The following PTPRD variants were observed in gnomAD, a reference collection of about 807,000 sequenced individuals.
The protein encoded by PTPRD is receptor-type tyrosine-protein phosphatase delta.
PTPRD carries 34 observed loss-of-function variants against 214.5 expected under a neutral mutation model. The ratio of observed to expected loss-of-function variants is 0.16; its 90% CI spans 0.12 to 0.21. The LOEUF (loss-of-function observed/expected upper bound fraction) is 0.21. Among genes scored for constraint, PTPRD ranks in the 10% least tolerant of loss-of-function variants. PTPRD has a pLI of 1.00. For missense variants in PTPRD, 2,545 were observed against 2,398.7 expected (o/e 1.06, Z -1.27); for synonymous variants, 1,128 against 845.7 (o/e 1.33, Z -5.79).
At chr9:8,722,360 A>T (rs1397660250) in intron 12 of PTPRD, among the ~76,000 whole-genome samples, 2 of 152,154 alleles carry the variant, frequency 1.3e-5, no homozygotes, top group Admixed American at 1.3e-4. Flanking sequence ...TATTTAAGGC[A>T]AATCTGGTTA....
intron 31 of PTPRD, among the ~76,000 whole-genome samples, chr9:8,468,586 T>A (rs1488456930): frequency 6.6e-6 from 1 of 151,912 alleles, no homozygotes; most frequent in Non-Finnish European, 1.5e-5. Context: ...AAAGCCTCTT[T>A]CAATTTCTTA....
At chr9:9,175,036 A>G (rs1362551327) in intron 10 of PTPRD, among the ~76,000 whole-genome samples, 1 of 152,092 alleles carries the variant, frequency 6.6e-6, no homozygotes, top group Non-Finnish European at 1.5e-5. Flanking sequence ...TGACATAGCC[A>G]GAAGACCCCA....
intron 4 of PTPRD, among the ~76,000 whole-genome samples, chr9:10,029,243 C>T (rs1292082667): frequency 6.6e-6 from 1 of 152,192 alleles, no homozygotes; most frequent in African/African-American, 2.4e-5. Flanking sequence ...CATGGAGAAC[C>T]TCTGCTAGGG....
At chr9:10,492,633 A>T (rs984248785) in intron 2 of PTPRD, among the ~76,000 whole-genome samples, 1 of 152,090 alleles carries the variant, frequency 6.6e-6, no homozygotes, top group Non-Finnish European at 1.5e-5. Flanking sequence ...AGACGGATAG[A>T]TGGCAAAAAT....
At chr9:8,448,850 C>G (rs892041783) in intron 34 of PTPRD, among the ~76,000 whole-genome samples, 1 of 152,200 alleles carries the variant, frequency 6.6e-6, no homozygotes, top group Admixed American at 6.5e-5. Flanking sequence ...AGAAACTTGT[C>G]TACAATTTGT....
chr9:9,037,304 T>C (rs568006123), intron 10 of PTPRD, among the ~76,000 whole-genome samples: 4 of 152,122 alleles, frequency 2.6e-5, no homozygotes, highest in Non-Finnish European at 4.4e-5. Flanking sequence ...GCAAAATGTA[T>C]GTTTATATGT....
chr9:8,658,798 G>A (rs1348284766), intron 12 of PTPRD, among the ~76,000 whole-genome samples: 1 of 151,984 alleles, frequency 6.6e-6, no homozygotes, highest in East Asian at 1.9e-4. Context: ...CCATTGTAGA[G>A]TATTTCCTTC....
chr9:9,515,688 T>A (rs988070427), intron 8 of PTPRD, among the ~76,000 whole-genome samples: 1 of 151,910 alleles, frequency 6.6e-6, no homozygotes, highest in East Asian at 1.9e-4. Flanking sequence ...AATAAAATTA[T>A]ATCTATATGT....
intron 5 of PTPRD, among the ~76,000 whole-genome samples, chr9:9,781,855 C>T (rs2098846207): frequency 6.6e-6 from 1 of 151,448 alleles, no homozygotes; most frequent in Non-Finnish European, 1.5e-5. Context: ...TGCAGTGGCG[C>T]AATCTCGGCT....
intron 8 of PTPRD, among the ~76,000 whole-genome samples, chr9:9,499,967 A>G (rs767095161): frequency 5.9e-5 from 9 of 152,260 alleles, no homozygotes; most frequent in Non-Finnish European, 1.2e-4. Context: ...CATTTGGAAG[A>G]GAACTGTAAA....
In PTPRD at chr9:9,320,147, A is replaced by G. The variant is rs1965723034; in HGVS notation, c.-203+77302T>C. Among the ~76,000 whole-genome samples the G allele has an allele frequency of 3.3e-5, 5 of 152,154 alleles. No homozygotes were observed. In the South Asian group the frequency reaches 1.0e-3, roughly 31 times the overall value. On this transcript the variant is annotated intron_variant, in intron 9 of 45. Transcript: ENST00000381196. The stretch of plus-strand genomic sequence containing the variant: ...TAGGTATATAAGAATTCCTTTTTGT[A>G]ATGTCAAAAATGTTTTATTTATTCT...
chr9:10,069,691 G>A (rs2097957846), intron 3 of PTPRD, among the ~76,000 whole-genome samples: 1 of 151,900 alleles, frequency 6.6e-6, no homozygotes, highest in Admixed American at 6.6e-5. Context: ...TTAAAAAGAA[G>A]TAGTGCATAT....
At chr9:9,645,379 G>A (rs1042620944) in intron 7 of PTPRD, among the ~76,000 whole-genome samples, 10 of 150,932 alleles carry the variant, frequency 6.6e-5, no homozygotes, top group Non-Finnish European at 1.5e-5. Context: ...CAATTTTTTT[G>A]TTTGTTTGGG....
intron 3 of PTPRD, among the ~76,000 whole-genome samples, chr9:10,297,857 C>T (rs1347271335): frequency 6.6e-6 from 1 of 152,046 alleles, no homozygotes. Context: ...CAACCACTTG[C>T]AAACATTTCA....
intron 2 of PTPRD, among the ~76,000 whole-genome samples, chr9:10,516,116 G>A (rs1483758710): frequency 6.6e-6 from 1 of 151,770 alleles, no homozygotes; most frequent in Non-Finnish European, 1.5e-5. Context: ...TGGGTCATAT[G>A]GTAGCTCTAT....
intron 2 of PTPRD, among the ~76,000 whole-genome samples, chr9:10,411,314 T>C (rs2098434179): frequency 1.3e-5 from 2 of 151,780 alleles, no homozygotes; most frequent in Admixed American, 1.3e-4. Flanking sequence ...CCTCTTGTAG[T>C]AAAGGAATTA....
chr9:9,990,115 C>T (rs2095862200), intron 4 of PTPRD, among the ~76,000 whole-genome samples: 1 of 152,186 alleles, frequency 6.6e-6, no homozygotes, highest in African/African-American at 2.4e-5. Context: ...CCATCTCTCT[C>T]TTTCTATGGA....
intron 9 of PTPRD, among the ~76,000 whole-genome samples, chr9:9,243,736 G>C (rs1007839604): frequency 6.6e-6 from 1 of 152,142 alleles, no homozygotes; most frequent in Admixed American, 6.6e-5. Context: ...GCACAAGACA[G>C]GGATGCCCTC....
intron 9 of PTPRD, among the ~76,000 whole-genome samples, chr9:9,198,514 T>A (rs546244059): frequency 6.6e-6 from 1 of 152,160 alleles, no homozygotes; most frequent in Admixed American, 6.5e-5. Context: ...ATTTTACTGT[T>A]TCTCTGCTGC....
Sources: gnomAD v4.1 joint callset for allele counts (sites outside exome capture counted in the v4.1 genomes callset) on GRCh38, gnomAD v4.1.1 for gene constraint, MANE v1.5 for transcripts, NCBI Gene and HGNC (gene_info 2026-07-23, HGNC 2026-07-21) for gene names.